TDP1: variants seen among roughly 807,000 people sequenced by gnomAD.
The protein encoded by TDP1 is tyrosyl-DNA phosphodiesterase 1, also known as tyr-DNA phosphodiesterase 1.
In TDP1, 64 loss-of-function variants were observed where a neutral mutation model predicts 81.5. The observed-to-expected ratio is 0.79, with a 90% confidence interval of 0.64 to 0.97. The LOEUF (loss-of-function observed/expected upper bound fraction) is 0.97. TDP1 is among the 50% of genes least tolerant of loss of function. The pLI is 0.00. For synonymous variants in TDP1, 256 were observed against 264.3 expected (o/e 0.97, Z 0.30); for missense variants, 723 against 743.8 (o/e 0.97, Z 0.33).
intron 8 of TDP1, among the ~76,000 whole-genome samples, chr14:89,981,068 T>G (rs1894917493): frequency 6.6e-6 from 1 of 152,204 alleles, no homozygotes; most frequent in Non-Finnish European, 1.5e-5. Flanking sequence ...TGATTTCTCC[T>G]TACTCATGTA....
rs768493325 is a variant in TDP1, at chr14:89,991,927, T to C, written c.1377T>C (p.Ser459=). The change falls in exon 13 of 17, where the codon TCT becomes TCC. Residue 459 remains serine, a synonymous_variant. Coordinates refer to ENST00000335725, the MANE Select transcript of TDP1 (RefSeq NM_018319.4). ...TSLEGYPAGG[S]LPYSIQTAEK... is the part of the protein sequence containing the mutation. ...TTTTTCTTTTAAAAGCTGGGGGCTC[T>C]CTTCCCTATAGCATCCAGACAGCTG... 1 of 1,610,082 alleles carries C rather than the reference T, an allele frequency of 6.2e-7. No individual in the cohort carries two copies. The highest frequency in any genetic ancestry group is 1.1e-5 in the South Asian group (1 of 89,748).
intron 11 of TDP1, 126 bp downstream of exon 11, chr14:89,989,216 CGGG>C: frequency 1.1e-6 from 1 of 915,926 alleles, no homozygotes; most frequent in Admixed American, 3.5e-5. Flanking sequence ...TTTGGCGTGG[CGGG>C]GGCGGGGTGC....
At chr14:89,975,921 G>A in intron 7 of TDP1, 106 bp downstream of exon 7, 1 of 862,038 alleles carries the variant, frequency 1.2e-6, no homozygotes, top group Non-Finnish European at 2.0e-6. Context: ...CTAGGATCTA[G>A]CACAGCGATG....
In TDP1 at chr14:90,019,409, T is replaced by G. The variant is rs1338311059; in HGVS notation, c.1635T>G (p.Pro545=). The G allele has an allele frequency of 1.3e-6, 2 of 1,593,410 alleles. No individual in the cohort carries two copies. The highest frequency in any genetic ancestry group is 1.7e-6 in the Non-Finnish European group (2 of 1,161,174). Residue 545 remains proline (P), a synonymous_variant, in exon 15 of 17, where the codon CCT becomes CCG. Coordinates refer to ENST00000335725, the MANE Select transcript of TDP1 (RefSeq NM_018319.4). ...ACGAGCTCGGGGTCCTTTTCCTCCC[T>G]TCAGCATTTGTAAGTTTACACTTCC... ...RSYELGVLFL[P]SAFGLDSFKV...
At chr14:90,002,863 AC>A (rs1897298420) in intron 14 of TDP1, among the ~76,000 whole-genome samples, 7 of 152,046 alleles carry the variant, frequency 4.6e-5, no homozygotes, top group Admixed American at 4.6e-4. Context: ...ACAGAGTGAG[AC>A]CCTGTCTCAA....
At chr14:90,030,132 G>C (rs1344334742) in intron 15 of TDP1, among the ~76,000 whole-genome samples, 1 of 152,214 alleles carries the variant, frequency 6.6e-6, no homozygotes, top group African/African-American at 2.4e-5. Context: ...CTCAGATCCA[G>C]AGTGTGTCAA....
rs891943448 is a variant in TDP1 at position 90,000,572 on chromosome 14, A to G, written c.1541+7089A>G. On this transcript the variant is annotated intron_variant, in intron 14 of 16. Transcript: ENST00000335725. ...GGCTAATTTTGTATTTTTAGTAGAG[A>G]TGGAGTTTCTCCATGTTGGTCAGGC... is the stretch of plus-strand genomic sequence containing the variant. Among the ~76,000 whole-genome samples the G allele has an allele frequency of 2.6e-4, 40 of 152,116 alleles. 1 individual carries two copies. The highest frequency in any genetic ancestry group is 3.4e-3 in the Middle Eastern group (1 of 294).
chr14:90,033,120 CAA>C lies in TDP1; in HGVS notation c.1661_1662del (p.Lys554SerfsTer21). ...TGTGTCTGCAGGGTCTAGACAGTTT[CAA>C]AGTGAAACAGAAGTTCTTCGCTGGC... ...LPSAFGLDSF[K>X]VKQKFFAGSQ... On this transcript the variant is annotated frameshift_variant, in exon 16 of 17. Coordinates refer to ENST00000335725, the MANE Select transcript of TDP1 (RefSeq NM_018319.4). LOFTEE classifies it high-confidence loss of function. 6.2e-7 allele frequency: 1 copy of C among 1,610,430 alleles called. No individual in the cohort carries two copies. Among genetic ancestry groups the C allele is most frequent in the Non-Finnish European group, 8.5e-7 (1 of 1,176,926 alleles).
chr14:89,990,547 C>CTT (rs34248681), intron 12 of TDP1, among the ~76,000 whole-genome samples: 38 of 102,360 alleles, frequency 3.7e-4, no homozygotes, highest in South Asian at 9.5e-4. Flanking sequence ...TGTATTAGCC[C>CTT]TTTTTTTTTT....
intron 14 of TDP1, among the ~76,000 whole-genome samples, chr14:90,013,546 G>A (rs886421824): frequency 5.3e-5 from 8 of 152,186 alleles, no homozygotes; most frequent in Admixed American, 5.2e-4. Context: ...CCCGCCATGT[G>A]CAACTGTGAG....
chr14:89,960,872 C>T (rs527255157), intron 2 of TDP1, among the ~76,000 whole-genome samples: 222 of 152,302 alleles, frequency 1.5e-3, no homozygotes, highest in African/African-American at 5.2e-3. Context: ...TCCCCTGCCC[C>T]GCCCTGCTGT....
At chr14:90,010,478 A>G (rs569047159) in intron 14 of TDP1, among the ~76,000 whole-genome samples, 2 of 152,308 alleles carry the variant, frequency 1.3e-5, no homozygotes, top group South Asian at 4.1e-4. Context: ...AGCAGGTGGG[A>G]TTAGGTTTGC....
At chr14:90,039,649 C>A (rs965272746) in intron 16 of TDP1, among the ~76,000 whole-genome samples, 1 of 149,454 alleles carries the variant, frequency 6.7e-6, no homozygotes, top group Non-Finnish European at 1.5e-5. Flanking sequence ...GGATTTTGTA[C>A]GTCACTTGGA....
intron 7 of TDP1, among the ~76,000 whole-genome samples, chr14:89,977,288 GCTTA>G (rs1423421526): frequency 3.9e-5 from 6 of 152,194 alleles, no homozygotes; most frequent in South Asian, 4.1e-4. Flanking sequence ...ACTTTTAGTT[GCTTA>G]TTTAAAAAAA....
chr14:89,986,622 G>A lies in TDP1; in HGVS notation c.1131+1412G>A, dbSNP rs189077217. On this transcript the variant is annotated intron_variant, in intron 10 of 16. Coordinates refer to ENST00000335725, the MANE Select transcript of TDP1 (RefSeq NM_018319.4). The stretch of plus-strand genomic sequence containing the variant: ...CAGCTTTCTTCCAGGAAGGCCGGCC[G>A]GTGATTAGGTGCCTGTTTCCACTGA... Among the ~76,000 whole-genome samples, 20 of 152,324 alleles carry A rather than the reference G, an allele frequency of 1.3e-4. No individual in the cohort carries two copies. The South Asian group carries it at 3.3e-3, about 25-fold the overall frequency.
intron 14 of TDP1, among the ~76,000 whole-genome samples, chr14:90,001,537 A>G (rs1196111578): frequency 2.0e-5 from 3 of 152,216 alleles, no homozygotes; most frequent in African/African-American, 4.8e-5. Context: ...GATCTTTGGT[A>G]ATTATTCTTT....
chr14:89,962,904 A>G (rs1227474405), intron 2 of TDP1: 2 of 985,040 alleles, frequency 2.0e-6, no homozygotes, highest in African/African-American at 1.7e-5. Flanking sequence ...AAGAAAGGTG[A>G]CCAGGACTTT....
At chr14:90,021,331 T>C (rs1460424115) in intron 15 of TDP1, among the ~76,000 whole-genome samples, 1 of 152,176 alleles carries the variant, frequency 6.6e-6, no homozygotes, top group Non-Finnish European at 1.5e-5. Flanking sequence ...GTCACATCAC[T>C]AGGAGGTGTG....
intron 16 of TDP1, chr14:90,042,844 G>T (rs146541230): frequency 1.0e-5 from 10 of 982,888 alleles, no homozygotes; most frequent in East Asian, 1.1e-4. Flanking sequence ...ATTTGGATGG[G>T]GACACAGCCA....
Sources: gnomAD v4.1 joint callset for allele counts (sites outside exome capture counted in the v4.1 genomes callset) on GRCh38, gnomAD v4.1.1 for gene constraint, MANE v1.5 for transcripts, NCBI Gene and HGNC (gene_info 2026-07-23, HGNC 2026-07-21) for gene names.